The following CDH18 variants were observed in gnomAD, a reference collection of about 807,000 sequenced individuals.
CDH18 encodes the protein cadherin 18, also known as cadherin-18.
Under a neutral mutation model 67.9 loss-of-function variants are expected in CDH18, and 31 were observed. The observed-to-expected ratio is 0.46, with a 90% CI of 0.34 to 0.62. The LOEUF is 0.62. Among genes scored for constraint, CDH18 ranks in the 20% least tolerant of loss-of-function variants. The pLI is 0.01. For missense variants in CDH18, 890 were observed against 975.5 expected, an observed-to-expected ratio of 0.91 and a Z score of 1.17; for synonymous variants, 362 against 347.2, an observed-to-expected ratio of 1.04 and a Z score of -0.48.
intron 2 of CDH18, among the ~76,000 whole-genome samples, chr5:20,242,676 T>C (rs1229876688): frequency 1.9e-4 from 14 of 74,300 alleles, no homozygotes; most frequent in African/African-American, 8.6e-4. Flanking sequence ...TATCCAAGAA[T>C]TACCAGTCTA....
intron 5 of CDH18, among the ~76,000 whole-genome samples, chr5:19,619,623 C>T (rs552957594): frequency 3.3e-4 from 51 of 152,300 alleles, no homozygotes; most frequent in African/African-American, 9.6e-4. Flanking sequence ...TAAAATACAC[C>T]TTACATTTAA....
chr5:19,955,376 C>A (rs1011076404), intron 2 of CDH18, among the ~76,000 whole-genome samples: 1 of 151,840 alleles, frequency 6.6e-6, no homozygotes, highest in Non-Finnish European at 1.5e-5. Context: ...AGAAGTACAA[C>A]AATAAAAGCA....
chr5:19,920,390 T>G (rs568401206), intron 2 of CDH18, among the ~76,000 whole-genome samples: 71 of 152,116 alleles, frequency 4.7e-4, no homozygotes, highest in Non-Finnish European at 3.7e-4. Context: ...GCCCAAGCTA[T>G]GCAGTAAGGT....
At chr5:20,013,144 CTA>C (rs1360012330) in intron 2 of CDH18, among the ~76,000 whole-genome samples, 1 of 152,078 alleles carries the variant, frequency 6.6e-6, no homozygotes, top group Non-Finnish European at 1.5e-5. Context: ...ATTCAACTCA[CTA>C]TGTCAGTGAT....
chr5:20,023,602 T>A (rs975897757), intron 2 of CDH18, among the ~76,000 whole-genome samples: 11 of 146,878 alleles, frequency 7.5e-5, no homozygotes, highest in African/African-American at 2.8e-4. Context: ...GAGTTTGTAG[T>A]TAGCCGAGAT....
At chr5:20,273,907 T>G (rs1745617956) in intron 1 of CDH18, among the ~76,000 whole-genome samples, 2 of 152,160 alleles carry the variant, frequency 1.3e-5, no homozygotes, top group African/African-American at 4.8e-5. Flanking sequence ...CCCCCAGTAC[T>G]TACAGGTAAA....
chr5:19,819,102 A>G (rs1423719423), intron 3 of CDH18, among the ~76,000 whole-genome samples: 4 of 151,852 alleles, frequency 2.6e-5, no homozygotes, highest in Non-Finnish European at 5.9e-5. Flanking sequence ...TCTGTATACA[A>G]TTTATCATTT....
At chr5:20,485,069 A>G (rs891654857) in intron 1 of CDH18, among the ~76,000 whole-genome samples, 2 of 152,154 alleles carry the variant, frequency 1.3e-5, no homozygotes, top group African/African-American at 4.8e-5. Context: ...TGTATGATTC[A>G]GACATATGAC....
chr5:20,173,043 G>A (rs1480920688), intron 2 of CDH18, among the ~76,000 whole-genome samples: 1 of 151,544 alleles, frequency 6.6e-6, no homozygotes, highest in South Asian at 2.1e-4. Context: ...TCTAATAAAA[G>A]TACTAAACAC....
chr5:20,027,012 A>T (rs2164432), intron 2 of CDH18, among the ~76,000 whole-genome samples: 1 of 151,840 alleles, frequency 6.6e-6, no homozygotes, highest in Non-Finnish European at 1.5e-5. Context: ...AAATAAACAT[A>T]AAAAAATAAA....
At chr5:19,904,881 G>A (rs906932111) in intron 2 of CDH18, among the ~76,000 whole-genome samples, 9 of 152,148 alleles carry the variant, frequency 5.9e-5, no homozygotes, top group Admixed American at 5.9e-4. Context: ...GACAGTTGCA[G>A]ATTTGCTTTC....
At chr5:20,129,975 T>C (rs1471683689) in intron 2 of CDH18, among the ~76,000 whole-genome samples, 2 of 151,604 alleles carry the variant, frequency 1.3e-5, no homozygotes, top group Non-Finnish European at 2.9e-5. Flanking sequence ...AAATGATTTG[T>C]TAGATGGGTA....
At chr5:19,632,968 G>A (rs1224094313) in intron 5 of CDH18, among the ~76,000 whole-genome samples, 2 of 152,128 alleles carry the variant, frequency 1.3e-5, no homozygotes, top group African/African-American at 4.8e-5. Context: ...TCTTGGAGGA[G>A]GTCACTAATT....
In CDH18 at chr5:19,981,124, T is replaced by A. The variant is rs1173161251; in HGVS notation, c.-321A>T. The A allele has an allele frequency of 6.6e-6, 1 of 152,166 alleles. No individual in the cohort carries two copies. Among genetic ancestry groups the A allele is most frequent in the African/African-American group, 2.4e-5 (1 of 41,430 alleles). 9.4% of individuals were successfully genotyped at this position (152,166 alleles called of 1,614,324 possible). A position where few individuals can be genotyped will look rare whatever the true frequency, so the allele number is the denominator to read the frequency against. On this transcript the variant is annotated 5_prime_UTR_variant, in exon 2 of 13. Coordinates refer to ENST00000382275, the MANE Select transcript of CDH18 (RefSeq NM_004934.5). ...CACCATCATCTCTCCCCAGAATTCT[T>A]GGGATAGATCTGTAACTGGCTCCCT...
chr5:19,712,448 C>A (rs1388065244), intron 5 of CDH18, among the ~76,000 whole-genome samples: 1 of 151,868 alleles, frequency 6.6e-6, no homozygotes, highest in African/African-American at 2.4e-5. Flanking sequence ...AAAAGGGCTA[C>A]TGCTATGTTT....
chr5:19,568,395 C>G (rs1356335004), intron 8 of CDH18, among the ~76,000 whole-genome samples: 1 of 152,020 alleles, frequency 6.6e-6, no homozygotes, highest in African/African-American at 2.4e-5. Flanking sequence ...TACCTTTTTC[C>G]AAGATGTGAG....
chr5:19,624,898 G>C (rs1472922898), intron 5 of CDH18, among the ~76,000 whole-genome samples: 2 of 152,124 alleles, frequency 1.3e-5, no homozygotes, highest in African/African-American at 4.8e-5. Flanking sequence ...AGTGGCCTTG[G>C]ATTCCTTTAT....
chr5:20,241,808 C>T (rs2973199), intron 2 of CDH18, among the ~76,000 whole-genome samples: 3 of 148,042 alleles, frequency 2.0e-5, no homozygotes, highest in Non-Finnish European at 4.5e-5. Context: ...GCCAAGATTG[C>T]GCCACTGCAC....
intron 5 of CDH18, among the ~76,000 whole-genome samples, chr5:19,627,102 T>C (rs1476753002): frequency 6.6e-6 from 1 of 152,200 alleles, no homozygotes; most frequent in Non-Finnish European, 1.5e-5. Context: ...CAACTCCATG[T>C]TCAATCGTGT....
Sources: gnomAD v4.1 joint callset for allele counts (sites outside exome capture counted in the v4.1 genomes callset) on GRCh38, gnomAD v4.1.1 for gene constraint, MANE v1.5 for transcripts, NCBI Gene and HGNC (gene_info 2026-07-23, HGNC 2026-07-21) for gene names.